The following SLC16A7 variants were observed in gnomAD, a reference collection of about 807,000 sequenced individuals.
SLC16A7 encodes monocarboxylate transporter 2.
A neutral mutation model predicts 34.9 loss-of-function variants in SLC16A7; 33 were observed. The observed-to-expected ratio is 0.94, with a 90% CI of 0.72 to 1.26. SLC16A7 has a LOEUF of 1.26. SLC16A7 is among the 50% of genes most tolerant of loss of function. The pLI is 0.00. For synonymous variants in SLC16A7, 201 were observed against 206.6 expected, an observed-to-expected ratio of 0.97 and a Z score of 0.23; for missense variants, 573 against 578.1, an observed-to-expected ratio of 0.99 and a Z score of 0.09.
intron 1 of SLC16A7, among the ~76,000 whole-genome samples, chr12:59,647,580 G>T (rs960580570): frequency 6.6e-6 from 1 of 151,972 alleles, no homozygotes; most frequent in Non-Finnish European, 1.5e-5. Context: ...GTTTCATGAA[G>T]AAATGATCAC....
chr12:59,675,925 A>G (rs1032970837), intron 2 of SLC16A7, among the ~76,000 whole-genome samples: 2 of 152,162 alleles, frequency 1.3e-5, no homozygotes, highest in African/African-American at 4.8e-5. Flanking sequence ...AGATATATAT[A>G]TATATATAGC....
chr12:59,661,004 G>T (rs1411899601), intron 2 of SLC16A7, among the ~76,000 whole-genome samples: 3 of 151,984 alleles, frequency 2.0e-5, no homozygotes, highest in African/African-American at 7.2e-5. Flanking sequence ...ACTATAATTG[G>T]CAATAGCAAT....
Position 59,781,781 on chromosome 12 carries a change from A to T in SLC16A7, c.*2102A>T, listed in dbSNP as rs1883264387. Reference sequence around the variant, plus strand: ...CTCCAATCATAAATTTTCAAAAAAAAATTCTACTTTCCAAAAAGTGTCTTG... The same window carrying T: ...CTCCAATCATAAATTTTCAAAAAAATATTCTACTTTCCAAAAAGTGTCTTG... On this transcript the variant is annotated 3_prime_UTR_variant, in exon 6 of 6. Coordinates refer to ENST00000547379, the MANE Select transcript of SLC16A7 (RefSeq NM_001270623.2). 6.6e-6 allele frequency: 1 copy of T among 152,438 alleles called. No individual in the cohort carries two copies. The highest frequency in any genetic ancestry group is 1.5e-5 in the Non-Finnish European group (1 of 68,040). 9.4% of individuals were successfully genotyped at this position (152,438 alleles called of 1,614,324 possible). A position where few individuals can be genotyped will look rare whatever the true frequency, so the allele number is the denominator to read the frequency against.
chr12:59,757,295 C>G (rs1365563106), intron 3 of SLC16A7, among the ~76,000 whole-genome samples: 1 of 150,622 alleles, frequency 6.6e-6, no homozygotes, highest in Admixed American at 6.6e-5. Context: ...GAAGAAATAC[C>G]TAATGTAGGT....
chr12:59,774,877 C>T lies in SLC16A7; in HGVS notation c.582C>T (p.Leu194=). The T allele has an allele frequency of 6.2e-7, 1 of 1,613,908 alleles. No individual in the cohort carries two copies. The highest frequency in any genetic ancestry group is 8.5e-7 in the Non-Finnish European group (1 of 1,179,926). ...TGAATGCCTGTGTGGCTGGTTCCCTCATGAGACCCCTTGGACCCAATCAAA... is the reference window on the plus strand; with the variant it reads ...TGAATGCCTGTGTGGCTGGTTCCCTTATGAGACCCCTTGGACCCAATCAAA... ...LLLNACVAGS[L]MRPLGPNQTT... is the part of the protein sequence containing the mutation. Residue 194 remains leucine, a synonymous_variant, in exon 5 of 6, where the codon CTC becomes CTT. Transcript: ENST00000547379.
chr12:59,733,790 G>T (rs1257774931), intron 3 of SLC16A7: 3 of 455,934 alleles, frequency 6.6e-6, no homozygotes, highest in Non-Finnish European at 1.3e-5. Context: ...AAGGCAGAGA[G>T]GAGCTTCACT....
intron 2 of SLC16A7, among the ~76,000 whole-genome samples, chr12:59,686,658 G>T (rs748997467): frequency 2.0e-5 from 3 of 151,950 alleles, no homozygotes; most frequent in Non-Finnish European, 4.4e-5. Flanking sequence ...CTTTATAAAA[G>T]ACATGCCTCT....
intron 3 of SLC16A7, among the ~76,000 whole-genome samples, chr12:59,710,694 TA>T (rs1565664963): frequency 6.6e-6 from 1 of 152,200 alleles, no homozygotes; most frequent in Non-Finnish European, 1.5e-5. Flanking sequence ...CTGACAAGAA[TA>T]AGACTATCTT....
intron 3 of SLC16A7, among the ~76,000 whole-genome samples, chr12:59,754,892 CA>C (rs1880105850): frequency 6.6e-6 from 1 of 152,152 alleles, no homozygotes; most frequent in South Asian, 2.1e-4. Flanking sequence ...ACCAGCACAT[CA>C]AAAAGTTTAT....
chr12:59,739,926 T>C (rs1358014890), intron 3 of SLC16A7, among the ~76,000 whole-genome samples: 1 of 152,176 alleles, frequency 6.6e-6, no homozygotes, highest in African/African-American at 2.4e-5. Context: ...TTGAGTTCAT[T>C]GTAGATTCTG....
intron 3 of SLC16A7, among the ~76,000 whole-genome samples, chr12:59,745,314 G>A (rs1001546656): frequency 1.3e-5 from 2 of 152,152 alleles, no homozygotes. Context: ...TAAAGTATTA[G>A]CAAAAGAATG....
intron 2 of SLC16A7, among the ~76,000 whole-genome samples, chr12:59,685,213 A>G (rs761693097): frequency 3.9e-5 from 6 of 152,184 alleles, no homozygotes; most frequent in Non-Finnish European, 7.3e-5. Context: ...TTTTTATTCC[A>G]TTCAGCACCA....
intron 1 of SLC16A7, among the ~76,000 whole-genome samples, chr12:59,647,304 C>T (rs1023005133): frequency 6.6e-5 from 10 of 152,052 alleles, no homozygotes. Flanking sequence ...GAGGCTCTTA[C>T]CCCTGTGCTG....
At chr12:59,686,889 TAATAAC>T (rs1200327992) in intron 2 of SLC16A7, among the ~76,000 whole-genome samples, 1 of 152,070 alleles carries the variant, frequency 6.6e-6, no homozygotes, top group Non-Finnish European at 1.5e-5. Context: ...TGACTGCAGT[TAATAAC>T]AATATATTAT....
chr12:59,687,098 TA>T lies in SLC16A7; in HGVS notation c.-30-17665del, dbSNP rs200073202. Among the ~76,000 whole-genome samples, 219 of 150,754 alleles carry T rather than the reference TA, an allele frequency of 1.5e-3. 1 individual carries two copies. Among genetic ancestry groups the T allele is most frequent in the Middle Eastern group, 6.9e-3 (2 of 290 alleles). The stretch of plus-strand genomic sequence containing the variant: ...AATATATTAATAAAATCATATAAAC[TA>T]AAAAAAAATGCTAAAGTCATACTCT... On this transcript the variant is annotated intron_variant, in intron 2 of 5. Transcript: ENST00000547379.
intron 1 of SLC16A7, among the ~76,000 whole-genome samples, chr12:59,597,960 G>A (rs968580378): frequency 6.6e-6 from 1 of 152,100 alleles, no homozygotes; most frequent in Non-Finnish European, 1.5e-5. Flanking sequence ...TAAATGCTCA[G>A]TTTATTTCTA....
At chr12:59,725,964 G>A (rs1229660984) in intron 3 of SLC16A7, among the ~76,000 whole-genome samples, 1 of 152,096 alleles carries the variant, frequency 6.6e-6, no homozygotes, top group Non-Finnish European at 1.5e-5. Context: ...GCCACATTGT[G>A]TTTAGTGTGT....
intron 3 of SLC16A7, chr12:59,734,090 G>A (rs920144049): frequency 1.2e-5 from 3 of 240,586 alleles, no homozygotes; most frequent in African/African-American, 6.8e-5. Context: ...GCCTCAGGCT[G>A]TCTCTGGATT....
intron 3 of SLC16A7, among the ~76,000 whole-genome samples, chr12:59,752,475 G>C (rs1050648882): frequency 2.6e-5 from 4 of 152,172 alleles, no homozygotes; most frequent in Non-Finnish European, 4.4e-5. Flanking sequence ...CCTCAGGAGC[G>C]GATGTGATCA....
Sources: allele counts gnomAD v4.1 joint callset (sites outside exome capture counted in the v4.1 genomes callset), GRCh38; gene constraint gnomAD v4.1.1; transcripts MANE v1.5; gene names NCBI Gene and HGNC (gene_info 2026-07-23, HGNC 2026-07-21).